ESS2: variants seen among roughly 807,000 people sequenced by gnomAD.
ESS2 encodes the protein splicing factor ESS-2 homolog.
A neutral mutation model predicts 52.0 loss-of-function variants in ESS2; 31 were observed. That is an observed-to-expected ratio of 0.60 (90% confidence interval 0.45 to 0.81). ESS2 has a LOEUF of 0.81. Ranked by LOEUF, ESS2 falls within the 30% of genes least tolerant of loss-of-function variation. The pLI, the probability that ESS2 is intolerant of heterozygous loss-of-function variation, is 0.00. For synonymous variants in ESS2, 285 were observed against 259.2 expected (o/e 1.10, Z -0.95); for missense variants, 602 against 637.2 (o/e 0.94, Z 0.59).
At chr22:19,143,663 C>G (rs2083733298) in intron 1 of ESS2, among the ~76,000 whole-genome samples, 1 of 151,968 alleles carries the variant, frequency 6.6e-6, no homozygotes, top group Non-Finnish European at 1.5e-5. Context: ...CGAGACCAGC[C>G]TGGCCAACAT....
At position 19,134,464 on chromosome 22, in the gene ESS2, T is replaced by C. The variant is rs773975522; in HGVS notation, c.1163A>G (p.Lys388Arg). ...VTENLASLTPKGLSPAMSPAL... is the reference protein window; with the variant it reads ...VTENLASLTPRGLSPAMSPAL... The stretch of plus-strand genomic sequence containing the variant: ...TGGCGACATGGCTGGGCTCAGGCCT[T>C]TGGGGGTGAGGCTGGGGTGGAGGAA... The change falls in exon 10 of 10, where the codon AAA becomes AGA. Residue 388 changes from lysine (K) to arginine (R), a missense_variant. By Grantham distance (26) the Lys-to-Arg change is conservative. Coordinates refer to ENST00000252137, the MANE Select transcript of ESS2 (RefSeq NM_022719.3). 2 of 1,563,090 alleles carry C rather than the reference T, an allele frequency of 1.3e-6. No homozygotes were observed. The highest frequency in any genetic ancestry group is 1.7e-6 in the Non-Finnish European group (2 of 1,150,848).
Position 19,134,465 on chromosome 22 carries a change from TG to T in ESS2, c.1161del (p.Gly389AlafsTer2). ...RVTENLASLT[P>X]KGLSPAMSPA... ...GGCGACATGGCTGGGCTCAGGCCTT[TG>T]GGGGTGAGGCTGGGGTGGAGGAATG... On this transcript the variant is annotated frameshift_variant, in exon 10 of 10. Coordinates refer to ENST00000252137, the MANE Select transcript of ESS2 (RefSeq NM_022719.3). LOFTEE classifies it high-confidence loss of function. The T allele has an allele frequency of 6.4e-7, 1 of 1,562,240 alleles. No individual in the cohort carries two copies. Among genetic ancestry groups the T allele is most frequent in the Non-Finnish European group, 8.7e-7 (1 of 1,150,452 alleles).
intron 8 of ESS2, among the ~76,000 whole-genome samples, chr22:19,136,156 G>C (rs1037653427): frequency 1.3e-5 from 2 of 151,946 alleles, no homozygotes; most frequent in Admixed American, 6.6e-5. Flanking sequence ...TGGCCAAGGA[G>C]TTCGAGACCA....
chr22:19,141,808 C>T (rs117903136), intron 3 of ESS2, among the ~76,000 whole-genome samples: 148 of 152,182 alleles, frequency 9.7e-4, no homozygotes, highest in Non-Finnish European at 1.5e-3. Flanking sequence ...GACAACATGG[C>T]AAAACCTCGT....
chr22:19,135,074 C>T lies in ESS2; in HGVS notation c.1137G>A (p.Thr379=), dbSNP rs1272127180. 15 of 1,613,506 alleles carry T rather than the reference C, an allele frequency of 9.3e-6. No individual in the cohort carries two copies. The highest frequency in any genetic ancestry group is 3.3e-5 in the South Asian group (3 of 91,070). ...AKKQEALRRV[T]ENLASLTPKG... is the part of the protein sequence containing the mutation. ...CGGCCCCTCACCTGGCCAGATTCTCCGTCACTCTCCGCAAGGCTTCCTGCT... is the reference window on the plus strand; with the variant it reads ...CGGCCCCTCACCTGGCCAGATTCTCTGTCACTCTCCGCAAGGCTTCCTGCT... The change falls in exon 9 of 10, where the codon ACG becomes ACA. Residue 379 remains threonine, a synonymous_variant. Transcript: ENST00000252137.
Position 19,142,719 on chromosome 22 carries a change from C to A in ESS2, c.304+7G>T. 1 of 1,613,242 alleles carries A rather than the reference C, an allele frequency of 6.2e-7. No homozygotes were observed. The highest frequency in any genetic ancestry group is 8.5e-7 in the Non-Finnish European group (1 of 1,179,570). On this transcript the variant is annotated splice_region_variant and intron_variant, in intron 2 of 9. Coordinates refer to ENST00000252137, the MANE Select transcript of ESS2 (RefSeq NM_022719.3). Reference sequence around the variant, plus strand: ...TCCCCTCTCCGCCACCCACAGGGTCCTCATACAGGGTGGCGGGGGCTCCCG... The same window carrying A: ...TCCCCTCTCCGCCACCCACAGGGTCATCATACAGGGTGGCGGGGGCTCCCG...
chr22:19,130,546 T>C lies in ESS2; in HGVS notation c.*3650A>G, dbSNP rs1057014071. On this transcript the variant is annotated 3_prime_UTR_variant, in exon 10 of 10. Transcript: ENST00000252137. ...GTCTACTGTGGTACCGGAGTGATTA[T>C]TTCGATTGTATCTCCTTTACAGCTT... The C allele has an allele frequency of 1.6e-5, 7 of 433,430 alleles. No individual in the cohort carries two copies. The highest frequency in any genetic ancestry group is 1.0e-4 in the African/African-American group (5 of 48,882). 26.8% of individuals were successfully genotyped at this position (433,430 alleles called of 1,614,324 possible).
rs1555916427 is a variant in ESS2 at position 19,143,217 on chromosome 22, A to AG, written c.136-324_136-323insC. On this transcript the variant is annotated intron_variant, in intron 1 of 9. Transcript: ENST00000252137. ...GAGACCGTCTCAAAAAAAAAAAAAA[A>AG]AAAGAAAAAAGAAAGTCGGAGCTGC... Among the ~76,000 whole-genome samples, 105 of 151,090 alleles carry AG rather than the reference A, an allele frequency of 6.9e-4. 1 individual carries two copies. Among genetic ancestry groups the AG allele is most frequent in the African/African-American group, 4.9e-4 (20 of 41,124 alleles).
rs572425503 is a variant in ESS2, at chr22:19,132,946, G to A, written c.*1250C>T. The A allele has an allele frequency of 1.9e-4, 31 of 161,678 alleles. No homozygotes were observed. The highest frequency in any genetic ancestry group is 3.7e-4 in the East Asian group (2 of 5,400). 10.0% of individuals were successfully genotyped at this position (161,678 alleles called of 1,614,324 possible). A position where few individuals can be genotyped will look rare whatever the true frequency, so the allele number is the denominator to read the frequency against. ...GGGCTGGCCAGCTCCAGTGGTCCAC[G>A]ACTCCCCCTGGCTTCCTGCAGTTCA... On this transcript the variant is annotated 3_prime_UTR_variant, in exon 10 of 10. Coordinates refer to ENST00000252137, the MANE Select transcript of ESS2 (RefSeq NM_022719.3). This position sits in a 1 kb window ranked among gnomAD's most constrained non-coding sequence, Gnocchi z 4.2.
rs2083640668 is a variant in ESS2 at position 19,139,270 on chromosome 22, C to T, written c.711G>A (p.Leu237=). ...GTACCACCTGCCGGGGCTTCTTAAA[C>T]AGCTGCTCCTCGTCAGGGACACCTG... is the stretch of plus-strand genomic sequence containing the variant. ...YPEGVPDEEQ[L]FKKPRQVVHK... The change falls in exon 6 of 10, where the codon CTG becomes CTA. Residue 237 remains leucine (L), a synonymous_variant. Transcript: ENST00000252137. 2 of 1,602,818 alleles carry T rather than the reference C, an allele frequency of 1.2e-6. No individual in the cohort carries two copies. Among genetic ancestry groups the T allele is most frequent in the East Asian group, 2.2e-5 (1 of 44,612 alleles).
chr22:19,141,119 AG>A (rs1215307973), intron 3 of ESS2, among the ~76,000 whole-genome samples: 2 of 143,304 alleles, frequency 1.4e-5, no homozygotes, highest in East Asian at 2.0e-4. Context: ...TCATCTCTAT[AG>A]GAAAAAAAAA....
At position 19,131,678 on chromosome 22, in the gene ESS2, C is replaced by T. The variant is rs747215903; in HGVS notation, c.*2518G>A. Reference sequence around the variant, plus strand: ...GGATCTACATCATCATGGAGCTTGGCGTCCAGGGCGACCTCCTCGAGTTCA... The same window carrying T: ...GGATCTACATCATCATGGAGCTTGGTGTCCAGGGCGACCTCCTCGAGTTCA... On this transcript the variant is annotated 3_prime_UTR_variant, in exon 10 of 10. Transcript: ENST00000252137. The surrounding 1 kb of genome is among the most constrained non-coding windows in gnomAD (Gnocchi z 5.7). 2.3e-5 allele frequency: 37 copies of T among 1,613,968 alleles called. No individual in the cohort carries two copies. The highest frequency in any genetic ancestry group is 2.6e-5 in the Non-Finnish European group (31 of 1,180,020).
Position 19,134,415 on chromosome 22 carries a change from C to T in ESS2, c.1212G>A (p.Arg404=), listed in dbSNP as rs143848509. 1.2e-6 allele frequency: 2 copies of T among 1,607,062 alleles called. No individual in the cohort carries two copies. Among genetic ancestry groups the T allele is most frequent in the Non-Finnish European group, 1.7e-6 (2 of 1,176,608 alleles). Reference sequence around the variant, plus strand: ...CCCGGTCTGTGTACTTGCTGGCCGTCCTGCTCACAAGGCGCTGTAGGGCTG... The same window carrying T: ...CCCGGTCTGTGTACTTGCTGGCCGTTCTGCTCACAAGGCGCTGTAGGGCTG... ...MSPALQRLVS[R]TASKYTDRAL... The change falls in exon 10 of 10, where the codon AGG becomes AGA. Residue 404 remains arginine (R), a synonymous_variant. Coordinates refer to ENST00000252137, the MANE Select transcript of ESS2 (RefSeq NM_022719.3).
chr22:19,130,624 G>A lies in ESS2; in HGVS notation c.*3572C>T, dbSNP rs965122531. 2.8e-6 allele frequency: 1 copy of A among 357,062 alleles called. No homozygotes were observed. The highest frequency in any genetic ancestry group is 5.4e-6 in the Non-Finnish European group (1 of 186,638). The allele number at this position is 357,062 out of a possible 1,614,324, so 22.1% of individuals were successfully genotyped here. On this transcript the variant is annotated 3_prime_UTR_variant, in exon 10 of 10. Coordinates refer to ENST00000252137, the MANE Select transcript of ESS2 (RefSeq NM_022719.3). ...AATTGATCTATTCAAACAGCTGCCT[G>A]TTCCCTTAACTTGTCTTCAGATTTT...
intron 9 of ESS2, 74 bp downstream of exon 9, chr22:19,134,986 G>T: frequency 6.9e-7 from 1 of 1,439,814 alleles, no homozygotes; most frequent in Non-Finnish European, 9.6e-7. Context: ...GCCTCCACAC[G>T]GTCAGGGCAG....
In ESS2 at chr22:19,138,792, C is replaced by T. The variant is rs974671782; in HGVS notation, c.822+367G>A. 9.2e-5 allele frequency among the ~76,000 whole-genome samples: 14 copies of T among 152,178 alleles called. No homozygotes were observed. The East Asian group carries it at 2.5e-3, about 27-fold the overall frequency. ...TCAGAAAGCCTCTGCTCTCTGCCAA[C>T]CCAGGGCCTGTCCCACCCCAGCCAC... On this transcript the variant is annotated intron_variant, in intron 6 of 9. Coordinates refer to ENST00000252137, the MANE Select transcript of ESS2 (RefSeq NM_022719.3).
rs779791687 is a variant in ESS2, at chr22:19,134,101, A to G, written c.*95T>C. The G allele has an allele frequency of 1.5e-6, 2 of 1,357,562 alleles. No individual in the cohort carries two copies. The highest frequency in any genetic ancestry group is 1.9e-6 in the Non-Finnish European group (2 of 1,049,532). The allele number at this position is 1,357,562 out of a possible 1,614,324, so 84.1% of individuals were successfully genotyped here. On this transcript the variant is annotated 3_prime_UTR_variant, in exon 10 of 10. Transcript: ENST00000252137. ...TGGTATGGTCAACAGCTTCTGGCCC[A>G]GGCCTGGGCCCCGAGAAGGCTGGAG...
chr22:19,136,937 G>A (rs1187480691), intron 8 of ESS2, among the ~76,000 whole-genome samples: 18 of 152,126 alleles, frequency 1.2e-4, no homozygotes, highest in Admixed American at 1.2e-3. Flanking sequence ...GGCTTGAGCC[G>A]TGTAATCCAG....
At chr22:19,143,629 G>A (rs2083732628) in intron 1 of ESS2, among the ~76,000 whole-genome samples, 1 of 152,254 alleles carries the variant, frequency 6.6e-6, no homozygotes, top group African/African-American at 2.4e-5. Flanking sequence ...GCCAAGGCGG[G>A]CGGATCACCT....
Sources: gnomAD v4.1 joint callset for allele counts (sites outside exome capture counted in the v4.1 genomes callset) on GRCh38, gnomAD v4.1.1 for gene constraint, Gnocchi (gnomAD v3.1) non-coding constraint, MANE v1.5 for transcripts, NCBI Gene and HGNC (gene_info 2026-07-23, HGNC 2026-07-21) for gene names.